Variants in TMED10 observed in about 807,000 individuals in gnomAD.
TMED10 encodes the protein transmembrane p24 trafficking protein 10.
Under a neutral mutation model 23.1 loss-of-function variants are expected in TMED10, and 7 were observed. The observed-to-expected ratio is 0.30, with a 90% CI of 0.17 to 0.57. TMED10 has a LOEUF of 0.57. Ranked by LOEUF, TMED10 falls within the 20% of genes least tolerant of loss-of-function variation. TMED10 has a pLI of 0.91. For synonymous variants in TMED10, 113 were observed against 106.9 expected, an observed-to-expected ratio of 1.06 and a Z score of -0.35; for missense variants, 162 against 274.8, an observed-to-expected ratio of 0.59 and a Z score of 2.90.
chr14:75,162,661 A>G (rs952767938), intron 1 of TMED10, among the ~76,000 whole-genome samples: 3 of 152,166 alleles, frequency 2.0e-5, no homozygotes, highest in Non-Finnish European at 4.4e-5. Flanking sequence ...TTAAGGGGGA[A>G]AAAAGGAAAG....
At chr14:75,147,216 C>T (rs1158839041) in intron 3 of TMED10, among the ~76,000 whole-genome samples, 1 of 113,856 alleles carries the variant, frequency 8.8e-6, no homozygotes, top group African/African-American at 5.1e-5. Context: ...TGAGATGGAG[C>T]CTTGCCCTGT....
chr14:75,136,379 G>A (rs933048114), intron 3 of TMED10, among the ~76,000 whole-genome samples: 1 of 152,090 alleles, frequency 6.6e-6, no homozygotes, highest in South Asian at 2.1e-4. Context: ...GGCTGGTCTC[G>A]AACTCCTAAG....
rs116412878 is a variant in TMED10 at position 75,175,974 on chromosome 14, C to T, written c.225+381G>A. ...CGGTTAGCTCTGTCTCCTTTACTTT[C>T]CTGCAGGTATCGCGGTATCTTATGA... On this transcript the variant is annotated intron_variant, in intron 1 of 4. Coordinates refer to ENST00000303575, the MANE Select transcript of TMED10 (RefSeq NM_006827.6). 5.8e-3 allele frequency: 1,678 copies of T among 290,208 alleles called. 20 individuals carry two copies. Among genetic ancestry groups the T allele is most frequent in the African/African-American group, 0.031 (1,383 of 44,102 alleles). 18.0% of individuals were successfully genotyped at this position (290,208 alleles called of 1,614,324 possible).
intron 1 of TMED10, among the ~76,000 whole-genome samples, chr14:75,173,515 G>T (rs1028986092): frequency 6.6e-6 from 1 of 152,060 alleles, no homozygotes; most frequent in Non-Finnish European, 1.5e-5. Flanking sequence ...TTTCTACTAC[G>T]TCCAATTATT....
chr14:75,166,309 C>T (rs1341253836), intron 1 of TMED10, among the ~76,000 whole-genome samples: 1 of 152,184 alleles, frequency 6.6e-6, no homozygotes, highest in African/African-American at 2.4e-5. Context: ...AAGTTCAGGT[C>T]TGTGGCCAGC....
rs1566667988 is a variant in TMED10, at chr14:75,134,999, TG to T, written c.545del (p.Thr182LysfsTer19). ...EEEMRDTNES[T>X]NTRVLYFSIF... ...TGCTGAAGTATAGGACCCGAGTGTTTGTTGACTCTAAAAAAAAACAAAAGCA... is the reference window on the plus strand; with the variant it reads ...TGCTGAAGTATAGGACCCGAGTGTTTTTGACTCTAAAAAAAAACAAAAGCA... On this transcript the variant is annotated frameshift_variant, in exon 5 of 5. Coordinates refer to ENST00000303575, the MANE Select transcript of TMED10 (RefSeq NM_006827.6). LOFTEE classifies it high-confidence loss of function. 6.2e-7 allele frequency: 1 copy of T among 1,613,882 alleles called. No homozygotes were observed. The highest frequency in any genetic ancestry group is 8.5e-7 in the Non-Finnish European group (1 of 1,179,910).
At chr14:75,161,975 T>C (rs992053265) in intron 1 of TMED10, among the ~76,000 whole-genome samples, 10 of 151,710 alleles carry the variant, frequency 6.6e-5, no homozygotes, top group African/African-American at 2.4e-4. Flanking sequence ...TGGAGCATCT[T>C]ATAGTGCCAG....
At position 75,160,474 on chromosome 14, in the gene TMED10, G is replaced by A. The variant is rs1210826254; in HGVS notation, c.226-8331C>T. On this transcript the variant is annotated intron_variant, in intron 1 of 4. Coordinates refer to ENST00000303575, the MANE Select transcript of TMED10 (RefSeq NM_006827.6). ...AAAAGGTCATCTGGTTTCTCAAGAA[G>A]TGAGAGGTTTTTTTTTTCTTCTTAA... Among the ~76,000 whole-genome samples, 5 of 152,070 alleles carry A rather than the reference G, an allele frequency of 3.3e-5. No homozygotes were observed. In the East Asian group the frequency reaches 9.6e-4, roughly 29 times the overall value.
At chr14:75,143,539 A>G (rs1895848283) in intron 3 of TMED10, among the ~76,000 whole-genome samples, 1 of 152,190 alleles carries the variant, frequency 6.6e-6, no homozygotes, top group South Asian at 2.1e-4. Flanking sequence ...AGACAAATTC[A>G]GTCAAAGTAG....
At chr14:75,171,486 G>C (rs1325923440) in intron 1 of TMED10, among the ~76,000 whole-genome samples, 2 of 152,060 alleles carry the variant, frequency 1.3e-5, no homozygotes, top group African/African-American at 4.8e-5. Flanking sequence ...CACCATGTTG[G>C]CCAGGCTGGT....
At chr14:75,151,518 C>T (rs1260151282) in intron 2 of TMED10, among the ~76,000 whole-genome samples, 2 of 151,988 alleles carry the variant, frequency 1.3e-5, no homozygotes, top group Non-Finnish European at 2.9e-5. Flanking sequence ...CATGCCCAGC[C>T]TTTTTTTTAA....
At chr14:75,175,928 T>C (rs2139867756) in intron 1 of TMED10, 1 of 229,254 alleles carries the variant, frequency 4.4e-6, no homozygotes, top group Admixed American at 5.3e-5. Flanking sequence ...AGATGCTCAA[T>C]AAATAACATT....
At chr14:75,170,412 A>C (rs981657431) in intron 1 of TMED10, among the ~76,000 whole-genome samples, 1 of 152,206 alleles carries the variant, frequency 6.6e-6, no homozygotes, top group Non-Finnish European at 1.5e-5. Flanking sequence ...TTCCTTAGAG[A>C]AACAGTTGTT....
At position 75,134,638 on chromosome 14, in the gene TMED10, G is replaced by C; in HGVS notation, c.*247C>G. On this transcript the variant is annotated 3_prime_UTR_variant, in exon 5 of 5. Coordinates refer to ENST00000303575, the MANE Select transcript of TMED10 (RefSeq NM_006827.6). ...AGGTAACCCCTATTTTTTGTCATAG[G>C]TGACTCTAATAATAGACCTATTGTT... The C allele has an allele frequency of 2.4e-6, 1 of 413,474 alleles. No individual in the cohort carries two copies. Among genetic ancestry groups the C allele is most frequent in the Non-Finnish European group, 4.5e-6 (1 of 223,794 alleles). The allele number at this position is 413,474 out of a possible 1,614,324, so 25.6% of individuals were successfully genotyped here. A position where few individuals can be genotyped will look rare whatever the true frequency, so the allele number is the denominator to read the frequency against.
intron 2 of TMED10, among the ~76,000 whole-genome samples, chr14:75,148,923 A>C (rs175430): frequency 6.6e-6 from 1 of 152,068 alleles, no homozygotes; most frequent in East Asian, 1.9e-4. Flanking sequence ...ATTAAAAAAA[A>C]TTTTTTGAGA....
chr14:75,169,875 A>G (rs1358929870), intron 1 of TMED10, among the ~76,000 whole-genome samples: 1 of 152,150 alleles, frequency 6.6e-6, no homozygotes, highest in African/African-American at 2.4e-5. Context: ...TAGGAGTTGC[A>G]CTCCAGAAGC....
At chr14:75,136,309 C>A (rs989707208) in intron 3 of TMED10, among the ~76,000 whole-genome samples, 1 of 152,096 alleles carries the variant, frequency 6.6e-6, no homozygotes, top group Non-Finnish European at 1.5e-5. Context: ...CAGTCATGCA[C>A]TGCCACACCC....
chr14:75,170,962 C>A (rs1043882377), intron 1 of TMED10, among the ~76,000 whole-genome samples: 10 of 152,082 alleles, frequency 6.6e-5, no homozygotes, highest in African/African-American at 2.4e-4. Context: ...CTATTACCAC[C>A]CGGGTAGAGA....
At chr14:75,153,693 T>G (rs1176870838) in intron 1 of TMED10, among the ~76,000 whole-genome samples, 1 of 152,146 alleles carries the variant, frequency 6.6e-6, no homozygotes, top group Non-Finnish European at 1.5e-5. Context: ...GAAAATTAAG[T>G]AGCACACATT....
Sources: gnomAD v4.1 joint callset for allele counts (sites outside exome capture counted in the v4.1 genomes callset) on GRCh38, gnomAD v4.1.1 for gene constraint, MANE v1.5 for transcripts, NCBI Gene and HGNC (gene_info 2026-07-23, HGNC 2026-07-21) for gene names.